BCHE: variants seen among roughly 807,000 people sequenced by gnomAD.
The protein encoded by BCHE is cholinesterase.
BCHE carries 48 observed loss-of-function variants against 51.3 expected under a neutral mutation model. The observed-to-expected ratio is 0.94, with a 90% CI of 0.74 to 1.19. The LOEUF (loss-of-function observed/expected upper bound fraction) is 1.19, where lower values mean the gene tolerates loss of function less well. BCHE is among the 50% of genes most tolerant of loss of function. The pLI is 0.00. For synonymous variants in BCHE, 251 were observed against 238.0 expected (o/e 1.05, Z -0.50); for missense variants, 847 against 708.2 (o/e 1.20, Z -2.23).
chr3:165,795,895 G>C (rs371053270), intron 2 of BCHE, among the ~76,000 whole-genome samples: 1 of 151,956 alleles, frequency 6.6e-6, no homozygotes, highest in African/African-American at 2.4e-5. Flanking sequence ...GCTTCACAGA[G>C]AATTTGGATA....
chr3:165,834,794 T>C (rs1011567586), intron 1 of BCHE, among the ~76,000 whole-genome samples: 1 of 151,820 alleles, frequency 6.6e-6, no homozygotes, highest in African/African-American at 2.4e-5. Flanking sequence ...TTTTTAATTT[T>C]ATTATTATTA....
At chr3:165,798,268 T>C (rs1713497288) in intron 2 of BCHE, among the ~76,000 whole-genome samples, 1 of 152,092 alleles carries the variant, frequency 6.6e-6, no homozygotes, top group South Asian at 2.1e-4. Context: ...TCAAAGTGTG[T>C]GTCTGTGTGT....
intron 2 of BCHE, among the ~76,000 whole-genome samples, chr3:165,815,834 A>T (rs1418197574): frequency 6.6e-6 from 1 of 152,072 alleles, no homozygotes; most frequent in Non-Finnish European, 1.5e-5. Flanking sequence ...AGAGAGCAGC[A>T]CGTACATGTT....
At chr3:165,825,600 G>C (rs369646014) in intron 2 of BCHE, among the ~76,000 whole-genome samples, 2 of 151,830 alleles carry the variant, frequency 1.3e-5, no homozygotes, top group African/African-American at 4.8e-5. Context: ...TGTGCACAAC[G>C]TACAGCTTAG....
chr3:165,815,861 A>G (rs1714295291), intron 2 of BCHE, among the ~76,000 whole-genome samples: 1 of 152,002 alleles, frequency 6.6e-6, no homozygotes, highest in South Asian at 2.1e-4. Context: ...TCTAGGGTCA[A>G]TATTTTGTCA....
At chr3:165,792,288 T>A (rs1713198888) in intron 2 of BCHE, among the ~76,000 whole-genome samples, 2 of 152,170 alleles carry the variant, frequency 1.3e-5, no homozygotes, top group Admixed American at 1.3e-4. Context: ...GGCATAATAT[T>A]ACTTTTGATA....
intron 2 of BCHE, among the ~76,000 whole-genome samples, chr3:165,821,548 A>G (rs1365827733): frequency 6.6e-6 from 1 of 151,928 alleles, no homozygotes; most frequent in Non-Finnish European, 1.5e-5. Flanking sequence ...AAAAATATAC[A>G]AATTAAATGC....
chr3:165,830,258 C>T lies in BCHE; in HGVS notation c.776G>A (p.Trp259Ter). The change falls in exon 2 of 4, where the codon TGG becomes TAG. Residue 259 changes from tryptophan (W) to a stop codon, truncating the protein, a stop_gained. Transcript: ENST00000264381. LOFTEE classifies it high-confidence loss of function. ...ILQSGSFNAP[W>*]AVTSLYEARN... ...AGCTTCATAAAGAGATGTTACCGCC[C>T]AAGGAGCATTAAAGGATCCACTTTG... The T allele has an allele frequency of 1.9e-6, 3 of 1,613,992 alleles. No individual in the cohort carries two copies. The highest frequency in any genetic ancestry group is 2.5e-6 in the Non-Finnish European group (3 of 1,179,944).
At chr3:165,835,952 G>T (rs201596104) in intron 1 of BCHE, among the ~76,000 whole-genome samples, 1 of 151,776 alleles carries the variant, frequency 6.6e-6, no homozygotes, top group South Asian at 2.1e-4. Flanking sequence ...AGAAACCATC[G>T]AAATGAAGAT....
chr3:165,817,753 CATG>C (rs1697806080), intron 2 of BCHE, among the ~76,000 whole-genome samples: 1 of 151,960 alleles, frequency 6.6e-6, no homozygotes, highest in Non-Finnish European at 1.5e-5. Context: ...GAACTCTCAC[CATG>C]ATAACACACA....
At chr3:165,778,026 G>A (rs1163747556) in intron 3 of BCHE, among the ~76,000 whole-genome samples, 2 of 152,070 alleles carry the variant, frequency 1.3e-5, no homozygotes, top group Non-Finnish European at 2.9e-5. Flanking sequence ...TTAATCAGTA[G>A]TTAAATTTTG....
At chr3:165,806,422 CATT>C (rs1553775967) in intron 2 of BCHE, among the ~76,000 whole-genome samples, 1 of 152,124 alleles carries the variant, frequency 6.6e-6, no homozygotes, top group Non-Finnish European at 1.5e-5. Context: ...GTATAGTTCT[CATT>C]ATGTGGTTTG....
intron 2 of BCHE, among the ~76,000 whole-genome samples, chr3:165,824,894 T>A (rs577787448): frequency 1.3e-5 from 2 of 152,180 alleles, no homozygotes; most frequent in Admixed American, 6.5e-5. Context: ...GCAGTAATGT[T>A]AATATGAACA....
chr3:165,813,938 G>T (rs990339341), intron 2 of BCHE, among the ~76,000 whole-genome samples: 6 of 151,942 alleles, frequency 3.9e-5, no homozygotes, highest in African/African-American at 1.4e-4. Flanking sequence ...GTAACTAACA[G>T]AATATCTGAC....
At position 165,837,422 on chromosome 3, in the gene BCHE, C is replaced by G. The variant is rs1307904717; in HGVS notation, c.-117G>C. ...GCTCCAGCCTGTAAATTGGACTGCA[C>G]TGACATTCAGTGTTACTGAATGTAA... On this transcript the variant is annotated 5_prime_UTR_variant, in exon 1 of 4. Transcript: ENST00000264381. 1 of 1,289,228 alleles carries G rather than the reference C, an allele frequency of 7.8e-7. No individual in the cohort carries two copies. The highest frequency in any genetic ancestry group is 2.3e-5 in the Admixed American group (1 of 43,536). The allele number at this position is 1,289,228 out of a possible 1,614,324, so 79.9% of individuals were successfully genotyped here. A position where few individuals can be genotyped will look rare whatever the true frequency, so the allele number is the denominator to read the frequency against.
intron 1 of BCHE, among the ~76,000 whole-genome samples, chr3:165,833,018 CTA>C (rs1281061783): frequency 1.3e-5 from 2 of 151,774 alleles, no homozygotes; most frequent in Admixed American, 6.6e-5. Flanking sequence ...ATATCTATTT[CTA>C]TATCTAATTC....
At chr3:165,815,640 T>A (rs1714288501) in intron 2 of BCHE, among the ~76,000 whole-genome samples, 1 of 152,160 alleles carries the variant, frequency 6.6e-6, no homozygotes, top group African/African-American at 2.4e-5. Context: ...GGCTACCTGG[T>A]CAGTACTTTC....
intron 2 of BCHE, among the ~76,000 whole-genome samples, chr3:165,815,908 C>T (rs1193706578): frequency 6.6e-6 from 1 of 151,564 alleles, no homozygotes; most frequent in African/African-American, 2.4e-5. Context: ...AGTTATTTTC[C>T]CCCGCTTTCT....
chr3:165,797,557 G>A (rs139319791), intron 2 of BCHE, among the ~76,000 whole-genome samples: 117 of 151,792 alleles, frequency 7.7e-4, no homozygotes, highest in Middle Eastern at 6.8e-3. Context: ...CTAATGATCT[G>A]TAGAAAGCTC....
Sources: gnomAD v4.1 joint callset for allele counts (sites outside exome capture counted in the v4.1 genomes callset) on GRCh38, gnomAD v4.1.1 for gene constraint, MANE v1.5 for transcripts, NCBI Gene and HGNC (gene_info 2026-07-23, HGNC 2026-07-21) for gene names.